DCHS2: variants seen among roughly 807,000 people sequenced by gnomAD.
DCHS2 encodes the protein dachsous cadherin-related 2.
A neutral mutation model predicts 182.4 loss-of-function variants in DCHS2; 142 were observed. The ratio of observed to expected loss-of-function variants is 0.78; its 90% confidence interval spans 0.68 to 0.89. The LOEUF is 0.89. DCHS2 is among the 40% of genes least tolerant of loss of function. The probability of loss-of-function intolerance (pLI) is 0.00; values close to 1 mark genes in which losing one functional copy is unlikely to be tolerated. For synonymous variants in DCHS2, 1,740 were observed against 1,663.3 expected, an observed-to-expected ratio of 1.05 and a Z score of -1.12; for missense variants, 4,319 against 4,198.6, an observed-to-expected ratio of 1.03 and a Z score of -0.79.
intron 10 of DCHS2, among the ~76,000 whole-genome samples, chr4:154,314,744 T>TAA (rs1416216520): frequency 6.6e-6 from 1 of 152,188 alleles, no homozygotes; most frequent in Non-Finnish European, 1.5e-5. Context: ...CATTGATATA[T>TAA]AATGCCATTT....
At chr4:154,446,147 A>G (rs377633450) in intron 1 of DCHS2, among the ~76,000 whole-genome samples, 28 of 152,340 alleles carry the variant, frequency 1.8e-4, no homozygotes, top group Middle Eastern at 3.4e-3. Context: ...TAATAAATCA[A>G]TAAGATTTCT....
At chr4:154,269,825 C>G in intron 14 of DCHS2, 75 bp downstream of exon 14, 1 of 1,550,414 alleles carries the variant, frequency 6.4e-7, no homozygotes, top group South Asian at 1.3e-5. Context: ...CTAACAATTT[C>G]TACTTTGCAA....
At chr4:154,327,018 C>G (rs1198134016) in intron 7 of DCHS2, among the ~76,000 whole-genome samples, 2 of 151,986 alleles carry the variant, frequency 1.3e-5, no homozygotes, top group Admixed American at 6.6e-5. Context: ...GAACATGATA[C>G]AGCTTTTCAT....
At chr4:154,310,529 C>T (rs1461073157) in intron 10 of DCHS2, among the ~76,000 whole-genome samples, 1 of 152,156 alleles carries the variant, frequency 6.6e-6, no homozygotes, top group Non-Finnish European at 1.5e-5. Context: ...ACTCCCACTA[C>T]CTTTCCCAAG....
At position 154,237,141 on chromosome 4, in the gene DCHS2, C is replaced by CTGA. The variant is rs749657877; in HGVS notation, c.7508_7510dup (p.Ile2503dup). The CTGA allele has an allele frequency of 6.2e-7, 1 of 1,610,716 alleles. No homozygotes were observed. Among genetic ancestry groups the CTGA allele is most frequent in the Non-Finnish European group, 8.5e-7 (1 of 1,178,906 alleles). On this transcript the variant is annotated inframe_insertion, in exon 20 of 20. Coordinates refer to ENST00000357232, the MANE Select transcript of DCHS2 (RefSeq NM_001358235.2). ...TATTGTATCCAGAAGTAATACGGGA[C>CTGA]TGATAGTAAATATTGTGCCTGAAAA...
intron 1 of DCHS2, among the ~76,000 whole-genome samples, chr4:154,401,095 G>A (rs890738849): frequency 4.6e-5 from 7 of 152,146 alleles, no homozygotes; most frequent in African/African-American, 1.7e-4. Context: ...AGCAACCACA[G>A]CTTTCATTTC....
chr4:154,333,329 C>T lies in DCHS2; in HGVS notation c.2879G>A (p.Cys960Tyr), dbSNP rs754199518. ...VQAQLGSAPA[C>Y]SSTEVNITVM... Reference sequence around the variant, plus strand: ...TGTTATGTTGACCTCGGTGCTGCTGCAGGCTGGGGCGCTGCCGAGCTGCGC... The same window carrying T: ...TGTTATGTTGACCTCGGTGCTGCTGTAGGCTGGGGCGCTGCCGAGCTGCGC... The change falls in exon 5 of 20, where the codon TGC becomes TAC. Residue 960 changes from cysteine to tyrosine, a missense_variant. Coordinates refer to ENST00000357232, the MANE Select transcript of DCHS2 (RefSeq NM_001358235.2). The T allele has an allele frequency of 6.2e-7, 1 of 1,614,170 alleles. No individual in the cohort carries two copies. The highest frequency in any genetic ancestry group is 1.3e-5 in the African/African-American group (1 of 75,024).
Position 154,334,892 on chromosome 4 carries a change from T to C in DCHS2, c.2689A>G (p.Thr897Ala). Residue 897 changes from threonine (T) to alanine (A), a missense_variant, in exon 4 of 20, where the codon ACA (threonine) becomes GCA (alanine). Physicochemically the swap from Thr to Ala is moderately conservative, Grantham distance 58 (BLOSUM62 0). Coordinates refer to ENST00000357232, the MANE Select transcript of DCHS2 (RefSeq NM_001358235.2). ...EDVPEDSPIGTVKAREPLNSS... is the reference protein window; with the variant it reads ...EDVPEDSPIGAVKAREPLNSS... ...CTCAAGGGCTCTCTTGCTTTCACTGTTCCAATGGGACTATCTTCAGGCACA... is the reference window on the plus strand; with the variant it reads ...CTCAAGGGCTCTCTTGCTTTCACTGCTCCAATGGGACTATCTTCAGGCACA... 1 of 1,614,066 alleles carries C rather than the reference T, an allele frequency of 6.2e-7. No homozygotes were observed. Among genetic ancestry groups the C allele is most frequent in the East Asian group, 2.2e-5 (1 of 44,888 alleles).
chr4:154,375,126 T>C (rs961957261), intron 2 of DCHS2, among the ~76,000 whole-genome samples: 1 of 152,038 alleles, frequency 6.6e-6, no homozygotes, highest in Admixed American at 6.6e-5. Context: ...CAGTAAGTGG[T>C]GCTGAGTTAA....
rs531433534 is a variant in DCHS2 at position 154,401,960 on chromosome 4, C to G, written c.2053-24516G>C. ...AGTTAGCTGAGATCATGCAACTTCA[C>G]TCCAGCCTGGGCAACTGAAAAGAAA... is the stretch of plus-strand genomic sequence containing the variant. On this transcript the variant is annotated intron_variant, in intron 1 of 19. Transcript: ENST00000357232. Among the ~76,000 whole-genome samples the G allele has an allele frequency of 1.4e-4, 22 of 152,328 alleles. No homozygotes were observed. In the South Asian group the frequency reaches 4.6e-3, roughly 32 times the overall value.
At chr4:154,407,360 C>T (rs959550533) in intron 1 of DCHS2, among the ~76,000 whole-genome samples, 1 of 152,160 alleles carries the variant, frequency 6.6e-6, no homozygotes, top group African/African-American at 2.4e-5. Context: ...TTTATATCAA[C>T]CCCAACTTGC....
chr4:154,446,446 T>C (rs1366236429), intron 1 of DCHS2, among the ~76,000 whole-genome samples: 2 of 152,226 alleles, frequency 1.3e-5, no homozygotes, highest in Non-Finnish European at 2.9e-5. Context: ...AGACAGATTA[T>C]AGTCTTGAAA....
At chr4:154,489,165 T>C (rs1464477110) in intron 1 of DCHS2, 139 bp downstream of exon 1, 13 of 724,252 alleles carry the variant, frequency 1.8e-5, no homozygotes, top group Non-Finnish European at 1.1e-5. Flanking sequence ...TTCATCTCAC[T>C]GTAGAGGGGG....
rs373749729 is a variant in DCHS2, at chr4:154,320,236, T to A, written c.5020+143A>T. 9.3e-5 allele frequency: 124 copies of A among 1,340,368 alleles called. No homozygotes were observed. The African/African-American group carries it at 1.6e-3, about 17-fold the overall frequency. 83.0% of individuals were successfully genotyped at this position (1,340,368 alleles called of 1,614,324 possible). A position where few individuals can be genotyped will look rare whatever the true frequency, so the allele number is the denominator to read the frequency against. On this transcript the variant is annotated intron_variant, in intron 9 of 19. Transcript: ENST00000357232. Reference sequence around the variant, plus strand: ...TTTCAGTTAAGCAAGGTAAATAATATCTAGAGATACGCTGTGCAACATTGA... The same window carrying A: ...TTTCAGTTAAGCAAGGTAAATAATAACTAGAGATACGCTGTGCAACATTGA...
intron 1 of DCHS2, among the ~76,000 whole-genome samples, chr4:154,474,924 A>C (rs1463404664): frequency 9.9e-5 from 15 of 152,216 alleles, no homozygotes; most frequent in Admixed American, 8.5e-4. Flanking sequence ...AAAAACATTC[A>C]TTAAGGAATG....
At chr4:154,281,907 T>C (rs1223728262) in intron 13 of DCHS2, among the ~76,000 whole-genome samples, 1 of 152,048 alleles carries the variant, frequency 6.6e-6, no homozygotes, top group Non-Finnish European at 1.5e-5. Context: ...TCAATAAGGG[T>C]GCCAAGGTTA....
chr4:154,383,815 C>A (rs957135915), intron 1 of DCHS2, among the ~76,000 whole-genome samples: 1 of 148,062 alleles, frequency 6.8e-6, no homozygotes, highest in African/African-American at 2.5e-5. Context: ...CTCAACTCAG[C>A]AAAATTTGTG....
In DCHS2 at chr4:154,332,606, T is replaced by A; in HGVS notation, c.3602A>T (p.Glu1201Val). The A allele has an allele frequency of 6.2e-7, 1 of 1,614,238 alleles. No homozygotes were observed. Among genetic ancestry groups the A allele is most frequent in the Non-Finnish European group, 8.5e-7 (1 of 1,180,052 alleles). ...TACCCCTTGGGGAACAGGGCTCTCTTCGACTTTCAAAAACAACACATCATG... is the reference window on the plus strand; with the variant it reads ...TACCCCTTGGGGAACAGGGCTCTCTACGACTTTCAAAAACAACACATCATG... ...FLHDVLFLKV[E>V]ESPVPQGVIG... The change falls in exon 5 of 20, where the codon GAA becomes GTA. Residue 1201 changes from glutamate to valine, a missense_variant. Glu to Val is a moderately radical substitution (Grantham distance 121, BLOSUM62 -2). Transcript: ENST00000357232.
intron 1 of DCHS2, among the ~76,000 whole-genome samples, chr4:154,423,674 C>A (rs746211967): frequency 2.0e-4 from 31 of 152,266 alleles, no homozygotes; most frequent in Non-Finnish European, 4.1e-4. Flanking sequence ...TACATTGTAG[C>A]AATAATTAGA....
Sources: allele counts gnomAD v4.1 joint callset (sites outside exome capture counted in the v4.1 genomes callset), GRCh38; gene constraint gnomAD v4.1.1; transcripts MANE v1.5; gene names NCBI Gene and HGNC (gene_info 2026-07-23, HGNC 2026-07-21).